Variants in PRKCE observed in about 807,000 individuals in gnomAD.
PRKCE encodes the protein protein kinase C epsilon.
A neutral mutation model predicts 85.4 loss-of-function variants in PRKCE; 16 were observed. That is an observed-to-expected ratio of 0.19 (90% CI 0.13 to 0.28). PRKCE has a LOEUF of 0.28. Ranked by LOEUF, PRKCE falls within the 10% of genes least tolerant of loss-of-function variation. PRKCE has a pLI of 1.00. For synonymous variants in PRKCE, 388 were observed against 371.5 expected (o/e 1.04, Z -0.51); for missense variants, 573 against 975.2 (o/e 0.59, Z 5.49).
intron 12 of PRKCE, among the ~76,000 whole-genome samples, chr2:46,146,346 G>C (rs191474094): frequency 1.3e-5 from 2 of 152,256 alleles, no homozygotes; most frequent in Non-Finnish European, 1.5e-5. Flanking sequence ...CTTTCAGTGG[G>C]CATTGTTTGA....
intron 1 of PRKCE, among the ~76,000 whole-genome samples, chr2:45,699,363 TTTTC>T (rs1678423482): frequency 6.6e-6 from 1 of 152,194 alleles, no homozygotes. Context: ...AAGTAGGCCT[TTTTC>T]TTTCTCTGTC....
At chr2:45,980,756 TG>T (rs1479921825) in intron 5 of PRKCE, among the ~76,000 whole-genome samples, 3 of 53,696 alleles carry the variant, frequency 5.6e-5, no homozygotes, top group African/African-American at 2.8e-4. Context: ...CCTTGTCTAA[TG>T]AGCTAGCTGA....
chr2:46,165,319 C>G (rs1402748719), intron 14 of PRKCE, among the ~76,000 whole-genome samples: 1 of 152,202 alleles, frequency 6.6e-6, no homozygotes, highest in Non-Finnish European at 1.5e-5. Context: ...TGAGTTTGTG[C>G]AAGTGATGTG....
chr2:45,996,074 A>G (rs572454355), intron 6 of PRKCE, among the ~76,000 whole-genome samples: 1 of 152,190 alleles, frequency 6.6e-6, no homozygotes, highest in African/African-American at 2.4e-5. Flanking sequence ...GATCTTGTAC[A>G]TATTTTGTGA....
At chr2:45,655,616 A>G (rs989254011) in intron 1 of PRKCE, among the ~76,000 whole-genome samples, 1 of 152,170 alleles carries the variant, frequency 6.6e-6, no homozygotes, top group Non-Finnish European at 1.5e-5. Flanking sequence ...GTTTGAGTCC[A>G]GAAGTTCAAG....
intron 2 of PRKCE, among the ~76,000 whole-genome samples, chr2:45,940,549 A>G (rs1395620778): frequency 6.6e-6 from 1 of 152,178 alleles, no homozygotes; most frequent in Admixed American, 6.5e-5. Flanking sequence ...AGCAGAGAAC[A>G]CGTTAATTGG....
chr2:45,901,339 G>A (rs1162932345), intron 2 of PRKCE, among the ~76,000 whole-genome samples: 1 of 152,152 alleles, frequency 6.6e-6, no homozygotes, highest in African/African-American at 2.4e-5. Context: ...AAGGCCAAAC[G>A]CTCCGACCTG....
intron 10 of PRKCE, among the ~76,000 whole-genome samples, chr2:46,021,730 A>T (rs1558970565): frequency 6.6e-6 from 1 of 152,230 alleles, no homozygotes; most frequent in African/African-American, 2.4e-5. Context: ...GGTCTAAGTT[A>T]TCTAACCCGG....
chr2:46,119,992 C>A (rs1187432879), intron 11 of PRKCE, among the ~76,000 whole-genome samples: 2 of 148,032 alleles, frequency 1.4e-5, no homozygotes, highest in East Asian at 3.9e-4. Flanking sequence ...CCTTGGGCAC[C>A]TTTTGGAGAT....
At chr2:45,726,082 G>A (rs1213365115) in intron 1 of PRKCE, among the ~76,000 whole-genome samples, 2 of 152,210 alleles carry the variant, frequency 1.3e-5, no homozygotes, top group Non-Finnish European at 2.9e-5. Flanking sequence ...AACTTGAACG[G>A]ATGAGGAGTT....
chr2:45,674,489 G>A (rs1676327591), intron 1 of PRKCE, among the ~76,000 whole-genome samples: 1 of 152,164 alleles, frequency 6.6e-6, no homozygotes, highest in Non-Finnish European at 1.5e-5. Flanking sequence ...TGTGTCAAGG[G>A]CTAGGGATCT....
rs1038384395 is a variant in PRKCE at position 46,184,380 on chromosome 2, A to G, written c.2068-355A>G. ...AATGTTGTAATGGAGCCAGTAGGTTACAGCAGTTGCTGAAAGAGGGTGTGA... is the reference window on the plus strand; with the variant it reads ...AATGTTGTAATGGAGCCAGTAGGTTGCAGCAGTTGCTGAAAGAGGGTGTGA... On this transcript the variant is annotated intron_variant, in intron 14 of 14. Transcript: ENST00000306156. This position sits in a 1 kb window ranked among gnomAD's most constrained non-coding sequence, Gnocchi z 5.0. Among the ~76,000 whole-genome samples the G allele has an allele frequency of 9.2e-5, 14 of 151,882 alleles. No homozygotes were observed. Among genetic ancestry groups the G allele is most frequent in the African/African-American group, 3.1e-4 (13 of 41,298 alleles).
chr2:45,923,693 CTT>C (rs2103963897), intron 2 of PRKCE, among the ~76,000 whole-genome samples: 1 of 152,214 alleles, frequency 6.6e-6, no homozygotes, highest in Non-Finnish European at 1.5e-5. Context: ...GCAGCACAGA[CTT>C]TGTGGTATAG....
intron 2 of PRKCE, among the ~76,000 whole-genome samples, chr2:45,880,967 A>C (rs1694838972): frequency 6.6e-6 from 1 of 151,794 alleles, no homozygotes; most frequent in African/African-American, 2.4e-5. Context: ...TCCGGGCTAA[A>C]ACGGTGAAAC....
intron 2 of PRKCE, among the ~76,000 whole-genome samples, chr2:45,971,007 TTTATTTTTTTTGTGATAA>T (rs1702074042): frequency 6.6e-6 from 1 of 152,136 alleles, no homozygotes; most frequent in South Asian, 2.1e-4. Context: ...TTGCATTTTA[TTTATTTTTTTTGTGATAA>T]TGCTTAACAT....
intron 11 of PRKCE, among the ~76,000 whole-genome samples, chr2:46,126,395 G>C (rs927083386): frequency 1.3e-5 from 2 of 152,108 alleles, no homozygotes; most frequent in Non-Finnish European, 2.9e-5. Context: ...CACCAGAGGA[G>C]GTATAGTGCC....
intron 1 of PRKCE, among the ~76,000 whole-genome samples, chr2:45,784,165 G>A (rs1432850925): frequency 6.6e-6 from 1 of 152,268 alleles, no homozygotes; most frequent in African/African-American, 2.4e-5. Flanking sequence ...AAGGCCAAGT[G>A]CAAATGTGCA....
At chr2:45,884,015 GC>G (rs1363049213) in intron 2 of PRKCE, among the ~76,000 whole-genome samples, 1 of 152,200 alleles carries the variant, frequency 6.6e-6, no homozygotes, top group African/African-American at 2.4e-5. Context: ...TGGGTTTTTG[GC>G]AACTGCCTTG....
chr2:45,927,937 G>T lies in PRKCE; in HGVS notation c.413-48492G>T, dbSNP rs561485294. On this transcript the variant is annotated intron_variant, in intron 2 of 14. Transcript: ENST00000306156. The stretch of plus-strand genomic sequence containing the variant: ...TTCACTCACGGAGGCAGGAGAGGGT[G>T]GGGGGGCCTGGGTGGTACTGGAGGA... 6.6e-5 allele frequency among the ~76,000 whole-genome samples: 10 copies of T among 152,142 alleles called. No homozygotes were observed. The East Asian group carries it at 1.2e-3, about 18-fold the overall frequency.
Sources: gnomAD v4.1 joint callset for allele counts (sites outside exome capture counted in the v4.1 genomes callset) on GRCh38, gnomAD v4.1.1 for gene constraint, Gnocchi (gnomAD v3.1) non-coding constraint, MANE v1.5 for transcripts, NCBI Gene and HGNC (gene_info 2026-07-23, HGNC 2026-07-21) for gene names.